CMSS1: variants seen among roughly 807,000 people sequenced by gnomAD.
CMSS1 encodes protein CMSS1.
Under a neutral mutation model 43.5 loss-of-function variants are expected in CMSS1, and 33 were observed. That is an observed-to-expected ratio of 0.76 (90% CI 0.57 to 1.01). The LOEUF is 1.01. Ranked by LOEUF, CMSS1 falls within the 50% of genes least tolerant of loss-of-function variation. The probability of loss-of-function intolerance (pLI) is 0.00; values close to 1 mark genes in which losing one functional copy is unlikely to be tolerated. For missense variants in CMSS1, 313 were observed against 326.4 expected (o/e 0.96, Z 0.32); for synonymous variants, 115 against 117.2 (o/e 0.98, Z 0.12).
chr3:100,168,936 C>T (rs1473048421), intron 6 of CMSS1, among the ~76,000 whole-genome samples: 4 of 151,614 alleles, frequency 2.6e-5, no homozygotes, highest in Admixed American at 6.6e-5. Flanking sequence ...CACACGCACT[C>T]TGAAGTCTCA....
At chr3:100,025,680 G>A (rs1021535260) in intron 1 of CMSS1, 8 of 152,098 alleles carry the variant, frequency 5.3e-5, no homozygotes, top group Non-Finnish European at 8.8e-5. Context: ...ATACCAGGTC[G>A]TCCACAGAGA....
At chr3:99,887,132 A>G (rs529092097) in intron 1 of CMSS1, among the ~76,000 whole-genome samples, 5 of 151,820 alleles carry the variant, frequency 3.3e-5, no homozygotes, top group Admixed American at 2.6e-4. Flanking sequence ...TTAGCCGGGC[A>G]TGGTGGCGTG....
At chr3:99,948,430 C>T (rs1250421380) in intron 1 of CMSS1, among the ~76,000 whole-genome samples, 2 of 150,514 alleles carry the variant, frequency 1.3e-5, no homozygotes, top group South Asian at 2.1e-4. Context: ...CCCATCTACT[C>T]GTGAGGCTGA....
At chr3:99,974,600 G>T (rs940854697) in intron 1 of CMSS1, among the ~76,000 whole-genome samples, 1 of 151,998 alleles carries the variant, frequency 6.6e-6, no homozygotes, top group Non-Finnish European at 1.5e-5. Context: ...CCAGCTACTC[G>T]GGAGGCTGAG....
chr3:99,849,981 A>C (rs750578542), intron 1 of CMSS1: 1 of 1,612,230 alleles, frequency 6.2e-7, no homozygotes, highest in South Asian at 1.1e-5. Flanking sequence ...TTTTTAAATC[A>C]TCTCTCTCCT....
rs144561092 is a variant in CMSS1 at position 99,849,030 on chromosome 3, G to C, written c.64+30987G>C. Reference sequence around the variant, plus strand: ...CTCCAGGTTGCACAAAGTTGGCATTGGGTTTAGTTTGCATTTTTCCATTCT... The same window carrying C: ...CTCCAGGTTGCACAAAGTTGGCATTCGGTTTAGTTTGCATTTTTCCATTCT... On this transcript the variant is annotated intron_variant, in intron 1 of 9. Coordinates refer to ENST00000421999, the MANE Select transcript of CMSS1 (RefSeq NM_032359.4). 6.6e-5 allele frequency: 107 copies of C among 1,614,096 alleles called. 1 individual carries two copies. In the East Asian group the frequency reaches 2.3e-3, roughly 34 times the overall value.
intron 1 of CMSS1, among the ~76,000 whole-genome samples, chr3:99,904,482 TC>T (rs1286983481): frequency 6.6e-6 from 1 of 152,244 alleles, no homozygotes; most frequent in East Asian, 1.9e-4. Context: ...TTACTATGCT[TC>T]TTTAGAATAG....
chr3:100,091,698 A>C (rs958721159), intron 1 of CMSS1, among the ~76,000 whole-genome samples: 2 of 152,250 alleles, frequency 1.3e-5, no homozygotes, highest in Non-Finnish European at 2.9e-5. Context: ...CATCTCTGAC[A>C]AGAATAAAAA....
chr3:100,032,759 A>G (rs2065041567), intron 1 of CMSS1, among the ~76,000 whole-genome samples: 1 of 152,200 alleles, frequency 6.6e-6, no homozygotes, highest in African/African-American at 2.4e-5. Flanking sequence ...CTCACTTATA[A>G]CAATTGCATA....
intron 1 of CMSS1, among the ~76,000 whole-genome samples, chr3:99,979,974 T>C (rs1301813854): frequency 6.6e-6 from 1 of 151,644 alleles, no homozygotes; most frequent in Non-Finnish European, 1.5e-5. Context: ...TTGAAGGAGG[T>C]GGTATGTAAG....
intron 1 of CMSS1, among the ~76,000 whole-genome samples, chr3:99,930,344 A>T (rs1014960023): frequency 1.3e-5 from 2 of 152,122 alleles, no homozygotes; most frequent in Non-Finnish European, 2.9e-5. Context: ...AGGAAATAAA[A>T]TTCTCCTATA....
At chr3:100,014,853 C>A in intron 1 of CMSS1, among the ~76,000 whole-genome samples, 5 of 125,742 alleles carry the variant, frequency 4.0e-5, no homozygotes, top group Admixed American at 7.9e-5. Context: ...TCTGATGCAA[C>A]ACCATTTGTC....
chr3:100,001,975 A>AT (rs1055126537), intron 1 of CMSS1, among the ~76,000 whole-genome samples: 1 of 152,102 alleles, frequency 6.6e-6, no homozygotes, highest in African/African-American at 2.4e-5. Context: ...GCTTGTCCAT[A>AT]TCCCCCCCAA....
At chr3:100,059,473 T>G (rs1335459547) in intron 1 of CMSS1, among the ~76,000 whole-genome samples, 1 of 152,216 alleles carries the variant, frequency 6.6e-6, no homozygotes, top group African/African-American at 2.4e-5. Context: ...GCATTTTTTT[T>G]TAGCACCTGT....
intron 1 of CMSS1, among the ~76,000 whole-genome samples, chr3:100,057,228 G>A (rs555509119): frequency 2.0e-5 from 3 of 152,118 alleles, no homozygotes; most frequent in Non-Finnish European, 4.4e-5. Flanking sequence ...GACCCGTCCC[G>A]TTCTAATATT....
intron 1 of CMSS1, among the ~76,000 whole-genome samples, chr3:100,133,124 G>A (rs2066723452): frequency 6.6e-6 from 1 of 151,964 alleles, no homozygotes; most frequent in African/African-American, 2.4e-5. Context: ...TACATATAAT[G>A]ATGTTTATTA....
intron 1 of CMSS1, among the ~76,000 whole-genome samples, chr3:100,019,472 A>T (rs1236664160): frequency 6.6e-6 from 1 of 152,240 alleles, no homozygotes; most frequent in African/African-American, 2.4e-5. Flanking sequence ...AAATAATCTT[A>T]AAGTTCTTTA....
At chr3:100,037,936 TTTC>T (rs1236184316) in intron 1 of CMSS1, among the ~76,000 whole-genome samples, 1 of 146,244 alleles carries the variant, frequency 6.8e-6, no homozygotes, top group Non-Finnish European at 1.5e-5. Context: ...TTTAATCGCT[TTTC>T]TTTTTTTTTT....
intron 1 of CMSS1, among the ~76,000 whole-genome samples, chr3:99,958,073 A>G (rs181277589): frequency 6.7e-6 from 1 of 149,396 alleles, no homozygotes; most frequent in East Asian, 1.9e-4. Context: ...TTTTTTTTCA[A>G]TTTAAATTAA....
Sources: allele counts gnomAD v4.1 joint callset (sites outside exome capture counted in the v4.1 genomes callset), GRCh38; gene constraint gnomAD v4.1.1; transcripts MANE v1.5; gene names NCBI Gene and HGNC (gene_info 2026-07-23, HGNC 2026-07-21).